FOXP2: variants seen among roughly 807,000 people sequenced by gnomAD.
FOXP2 encodes forkhead box protein P2.
FOXP2 carries 12 observed loss-of-function variants against 115.8 expected under a neutral mutation model. The observed-to-expected ratio is 0.10, with a 90% CI of 0.07 to 0.17. FOXP2 has a LOEUF of 0.17. FOXP2 is among the 10% of genes least tolerant of loss of function. The pLI is 1.00. For missense variants in FOXP2, 629 were observed against 843.5 expected, an observed-to-expected ratio of 0.75 and a Z score of 3.15; for synonymous variants, 328 against 297.7, an observed-to-expected ratio of 1.10 and a Z score of -1.05.
In FOXP2 at chr7:114,692,100, G is replaced by A. The variant is rs1317110812; in HGVS notation, c.*2174G>A. ...GTATTAAAAGAAAGATGGGTATGGT[G>A]AAAGATGGTTTTCAGTCATCTAGGA... On this transcript the variant is annotated 3_prime_UTR_variant, in exon 17 of 17. Coordinates refer to ENST00000350908, the MANE Select transcript of FOXP2 (RefSeq NM_014491.4). The A allele has an allele frequency of 6.6e-6, 3 of 453,848 alleles. No individual in the cohort carries two copies. Among genetic ancestry groups the A allele is most frequent in the Non-Finnish European group, 1.3e-5 (3 of 226,716 alleles). The allele number at this position is 453,848 out of a possible 1,614,324, so 28.1% of individuals were successfully genotyped here.
intron 1 of FOXP2, among the ~76,000 whole-genome samples, chr7:114,123,769 T>C (rs183911688): frequency 6.6e-6 from 1 of 152,272 alleles, no homozygotes; most frequent in East Asian, 1.9e-4. Flanking sequence ...GTCTTATGTT[T>C]ATTCTTACGT....
intron 1 of FOXP2, among the ~76,000 whole-genome samples, chr7:114,223,681 CCTAGG>C (rs928568393): frequency 6.7e-6 from 1 of 149,838 alleles, no homozygotes; most frequent in Admixed American, 6.7e-5. Flanking sequence ...TGCTATTTTG[CCTAGG>C]CTAGTCTCAA....
At position 114,343,441 on chromosome 7, in the gene FOXP2, A is replaced by C. The variant is rs150165279; in HGVS notation, c.-11+55332A>C. Among the ~76,000 whole-genome samples, 405 of 151,790 alleles carry C rather than the reference A, an allele frequency of 2.7e-3. 3 individuals are homozygous for C. The highest frequency in any genetic ancestry group is 9.4e-3 in the African/African-American group (390 of 41,500). On this transcript the variant is annotated intron_variant, in intron 2 of 17. Coordinates refer to the FOXP2 transcript ENST00000634411. ...GATAATGCAGAAGGGCAGGGAATAA[A>C]GTGAATTGGTGAAGAAAGGGAGGAA...
At chr7:114,136,314 T>A (rs927591817) in intron 1 of FOXP2, among the ~76,000 whole-genome samples, 1 of 152,102 alleles carries the variant, frequency 6.6e-6, no homozygotes, top group Non-Finnish European at 1.5e-5. Flanking sequence ...GTTTACCCCA[T>A]TGGAGAGCTG....
intron 2 of FOXP2, among the ~76,000 whole-genome samples, chr7:114,450,766 A>T (rs1304778353): frequency 6.6e-6 from 1 of 152,104 alleles, no homozygotes; most frequent in Non-Finnish European, 1.5e-5. Flanking sequence ...TTATGATTAA[A>T]AAAACAACCA....
At chr7:114,525,295 T>G (rs1411162746) in intron 2 of FOXP2, among the ~76,000 whole-genome samples, 3 of 152,166 alleles carry the variant, frequency 2.0e-5, no homozygotes, top group Non-Finnish European at 4.4e-5. Flanking sequence ...TACTTTATAC[T>G]TTAGCTTTTA....
intron 3 of FOXP2, among the ~76,000 whole-genome samples, chr7:114,553,647 G>A (rs1265101181): frequency 1.3e-5 from 2 of 152,080 alleles, no homozygotes; most frequent in Non-Finnish European, 2.9e-5. Flanking sequence ...AATAATTTAA[G>A]TATATGAACT....
chr7:114,470,860 T>A (rs1292145921), intron 2 of FOXP2, among the ~76,000 whole-genome samples: 1 of 152,094 alleles, frequency 6.6e-6, no homozygotes, highest in Non-Finnish European at 1.5e-5. Flanking sequence ...AGCATTTCCC[T>A]TTGTGTTCTT....
Position 114,693,029 on chromosome 7 carries a change from G to T in FOXP2, c.*3103G>T. The T allele has an allele frequency of 2.2e-6, 1 of 453,796 alleles. No individual in the cohort carries two copies. Among genetic ancestry groups the T allele is most frequent in the Non-Finnish European group, 4.4e-6 (1 of 226,656 alleles). The allele number at this position is 453,796 out of a possible 1,614,324, so 28.1% of individuals were successfully genotyped here. A position where few individuals can be genotyped will look rare whatever the true frequency, so the allele number is the denominator to read the frequency against. ...AAAACTGTCTACCTCTAACACCAGG[G>T]AGTTATCAGATTTTATTTTACATAG... is the stretch of plus-strand genomic sequence containing the variant. On this transcript the variant is annotated 3_prime_UTR_variant, in exon 17 of 17. Coordinates refer to ENST00000350908, the MANE Select transcript of FOXP2 (RefSeq NM_014491.4).
At chr7:114,201,001 A>G (rs944874951) in intron 1 of FOXP2, among the ~76,000 whole-genome samples, 75 of 152,184 alleles carry the variant, frequency 4.9e-4, no homozygotes, top group African/African-American at 1.8e-3. Flanking sequence ...CTAAAAATAC[A>G]AAAAATTAGC....
At chr7:114,545,018 T>C (rs1799848687) in intron 3 of FOXP2, among the ~76,000 whole-genome samples, 1 of 152,120 alleles carries the variant, frequency 6.6e-6, no homozygotes, top group African/African-American at 2.4e-5. Context: ...TGAATTAAAA[T>C]TGAGGAACGA....
chr7:114,672,584 C>CA (rs76316930), intron 16 of FOXP2, among the ~76,000 whole-genome samples: 11,091 of 131,138 alleles, frequency 0.085, 833 homozygotes, highest in East Asian at 0.35. Context: ...GACTCCATCT[C>CA]AAAAAAAAAA....
intron 2 of FOXP2, among the ~76,000 whole-genome samples, chr7:114,507,603 T>C (rs79347218): frequency 0.046 from 7,034 of 152,000 alleles, 268 homozygotes; most frequent in Non-Finnish European, 0.066. Flanking sequence ...ACTCAATGAC[T>C]GAAGGATGTC....
intron 1 of FOXP2, among the ~76,000 whole-genome samples, chr7:114,195,693 T>G (rs1293226789): frequency 6.6e-6 from 1 of 152,156 alleles, no homozygotes; most frequent in Non-Finnish European, 1.5e-5. Context: ...TCCCTTCTTA[T>G]GGTTATGATT....
intron 3 of FOXP2, among the ~76,000 whole-genome samples, chr7:114,600,468 C>T (rs1424913152): frequency 1.3e-5 from 2 of 152,120 alleles, no homozygotes; most frequent in Admixed American, 6.6e-5. Context: ...TTCAAAGCTG[C>T]TATAAACATT....
intron 1 of FOXP2, among the ~76,000 whole-genome samples, chr7:114,220,922 T>C (rs1794604426): frequency 2.0e-5 from 3 of 152,194 alleles, no homozygotes; most frequent in African/African-American, 7.2e-5. Flanking sequence ...ATTGGTGTCA[T>C]TTAAGAGGTA....
chr7:114,111,714 A>T (rs539037198), intron 1 of FOXP2, among the ~76,000 whole-genome samples: 2 of 152,066 alleles, frequency 1.3e-5, no homozygotes, highest in Non-Finnish European at 2.9e-5. Flanking sequence ...GATTTAAAAA[A>T]ATATATCCTG....
chr7:114,256,849 T>C lies in FOXP2; in HGVS notation c.-101-31170T>C, dbSNP rs562057313. ...TGCTCATGGATAGAAAGAATCAATA[T>C]AGTGAAAATGGCCATACTGCCCAAA... On this transcript the variant is annotated intron_variant, in intron 1 of 17. Transcript: ENST00000634411. Among the ~76,000 whole-genome samples, 7 of 152,298 alleles carry C rather than the reference T, an allele frequency of 4.6e-5. No homozygotes were observed. In the East Asian group the frequency reaches 1.2e-3, roughly 25 times the overall value.
At chr7:114,245,858 C>A (rs1389039087) in intron 1 of FOXP2, among the ~76,000 whole-genome samples, 1 of 151,720 alleles carries the variant, frequency 6.6e-6, no homozygotes, top group African/African-American at 2.4e-5. Context: ...TTTTTCCTTG[C>A]GTATTTCATT....
Sources: gnomAD v4.1 joint callset for allele counts (sites outside exome capture counted in the v4.1 genomes callset) on GRCh38, gnomAD v4.1.1 for gene constraint, MANE v1.5 for transcripts, NCBI Gene and HGNC (gene_info 2026-07-23, HGNC 2026-07-21) for gene names.